Variants in BMPR2 observed in about 807,000 individuals in gnomAD.
BMPR2 encodes the protein bone morphogenetic protein receptor type-2.
In BMPR2, 29 loss-of-function variants were observed where a neutral mutation model predicts 100.8. The observed-to-expected ratio is 0.29, with a 90% CI of 0.21 to 0.39. The LOEUF is 0.39. Ranked by LOEUF, BMPR2 falls within the 10% of genes least tolerant of loss-of-function variation. The pLI is 1.00. For synonymous variants in BMPR2, 382 were observed against 442.3 expected (o/e 0.86, Z 1.71); for missense variants, 1,011 against 1,274.5 (o/e 0.79, Z 3.15).
chr2:202,482,018 C>T (rs1224762372), intron 3 of BMPR2, among the ~76,000 whole-genome samples: 1 of 152,134 alleles, frequency 6.6e-6, no homozygotes, highest in East Asian at 1.9e-4. Context: ...CAGCCACCCT[C>T]TACTTTCTGT....
At chr2:202,550,278 C>T (rs943459780) in intron 10 of BMPR2, among the ~76,000 whole-genome samples, 4 of 148,964 alleles carry the variant, frequency 2.7e-5, no homozygotes, top group South Asian at 2.1e-4. Context: ...GAGGCTGAGG[C>T]GGGAGAATGG....
chr2:202,402,837 T>A (rs1690793443), intron 1 of BMPR2, among the ~76,000 whole-genome samples: 11 of 151,664 alleles, frequency 7.3e-5, no homozygotes, highest in Non-Finnish European at 1.5e-5. Context: ...CTAATTTTTT[T>A]TTTTTTTTGA....
At chr2:202,507,204 AAG>A (rs1392704140) in intron 3 of BMPR2, among the ~76,000 whole-genome samples, 1 of 152,020 alleles carries the variant, frequency 6.6e-6, no homozygotes, top group Non-Finnish European at 1.5e-5. Context: ...TCACTCTTGG[AAG>A]AGTCTTTTCA....
At position 202,419,630 on chromosome 2, in the gene BMPR2, C is replaced by T. The variant is rs186474954; in HGVS notation, c.76+42080C>T. ...TCGGCCTCACAAAGTGCTGGGATTA[C>T]AGGCATGAGCCACTGCACCTGGTGT... On this transcript the variant is annotated intron_variant, in intron 1 of 12. Coordinates refer to ENST00000374580, the MANE Select transcript of BMPR2 (RefSeq NM_001204.7). Among the ~76,000 whole-genome samples, 587 of 152,232 alleles carry T rather than the reference C, an allele frequency of 3.9e-3. 6 individuals are homozygous for T. Among genetic ancestry groups the T allele is most frequent in the African/African-American group, 0.013 (559 of 41,518 alleles).
At chr2:202,409,698 T>G (rs1034341583) in intron 1 of BMPR2, among the ~76,000 whole-genome samples, 1 of 152,152 alleles carries the variant, frequency 6.6e-6, no homozygotes, top group Admixed American at 6.5e-5. Flanking sequence ...AAATGGATAA[T>G]ACACTGAAGG....
In BMPR2 at chr2:202,424,948, ATTG is replaced by A. The variant is rs1277438475; in HGVS notation, c.77-39860_77-39858del. Among the ~76,000 whole-genome samples, 387 of 152,170 alleles carry A rather than the reference ATTG, an allele frequency of 2.5e-3. 1 individual carries two copies. The highest frequency in any genetic ancestry group is 9.0e-3 in the African/African-American group (373 of 41,534). On this transcript the variant is annotated intron_variant, in intron 1 of 12. Transcript: ENST00000374580. ...CTTCAAGACAAATTTTAAGAGATTA[ATTG>A]AGCAAACATTTTTTTTTTTTCCCCA...
At chr2:202,475,260 C>G (rs1484813088) in intron 3 of BMPR2, 1 of 152,110 alleles carries the variant, frequency 6.6e-6, no homozygotes, top group Non-Finnish European at 1.5e-5. Flanking sequence ...TCTCGAACTC[C>G]TGACCTCAGG....
In BMPR2 at chr2:202,530,093, A is replaced by C. The variant is rs188565271; in HGVS notation, c.968-701A>C. On this transcript the variant is annotated intron_variant, in intron 7 of 12. Transcript: ENST00000374580. ...TGTCTACTCTGTGCCAAGCCTTTTA[A>C]AGTCAGGTGAAAGATGTTCTCTTTC... Among the ~76,000 whole-genome samples, 12 of 152,260 alleles carry C rather than the reference A, an allele frequency of 7.9e-5. No individual in the cohort carries two copies. The East Asian group carries it at 2.1e-3, about 27-fold the overall frequency.
At chr2:202,425,492 T>C (rs1672152925) in intron 1 of BMPR2, among the ~76,000 whole-genome samples, 3 of 152,186 alleles carry the variant, frequency 2.0e-5, no homozygotes, top group African/African-American at 4.8e-5. Context: ...TGTTTACACA[T>C]TGAGTTGGGT....
chr2:202,494,354 C>T (rs1440126404), intron 3 of BMPR2, among the ~76,000 whole-genome samples: 2 of 152,160 alleles, frequency 1.3e-5, no homozygotes, highest in Non-Finnish European at 2.9e-5. Context: ...TTTAAGCTTC[C>T]CTTTGCTGCT....
At chr2:202,403,953 C>T (rs972761922) in intron 1 of BMPR2, among the ~76,000 whole-genome samples, 1 of 147,822 alleles carries the variant, frequency 6.8e-6, no homozygotes, top group African/African-American at 2.5e-5. Context: ...TGTGGTGAGC[C>T]GAGATTGTGC....
intron 1 of BMPR2, among the ~76,000 whole-genome samples, chr2:202,454,624 G>A (rs952719726): frequency 6.6e-6 from 1 of 152,144 alleles, no homozygotes; most frequent in Non-Finnish European, 1.5e-5. Flanking sequence ...TCTGTGAGGA[G>A]GAAGTCTTTA....
At chr2:202,550,947 C>CA (rs1688465321) in intron 10 of BMPR2, among the ~76,000 whole-genome samples, 1 of 68,310 alleles carries the variant, frequency 1.5e-5, no homozygotes, top group African/African-American at 6.6e-5. Context: ...AGCATATCAG[C>CA]TTTTTTTTTT....
intron 10 of BMPR2, among the ~76,000 whole-genome samples, chr2:202,549,007 T>G (rs1688424243): frequency 2.0e-5 from 3 of 152,178 alleles, no homozygotes; most frequent in Admixed American, 1.3e-4. Flanking sequence ...CCAGAAGATT[T>G]CTTGTGCCCT....
intron 1 of BMPR2, among the ~76,000 whole-genome samples, chr2:202,382,068 T>G (rs920942453): frequency 1.2e-4 from 18 of 149,148 alleles, no homozygotes; most frequent in Admixed American, 5.3e-4. Flanking sequence ...GTTTTTTTTT[T>G]TTTTTTTTTG....
chr2:202,410,665 C>T (rs1411429600), intron 1 of BMPR2, among the ~76,000 whole-genome samples: 2 of 152,136 alleles, frequency 1.3e-5, no homozygotes, highest in Non-Finnish European at 2.9e-5. Flanking sequence ...CTGCAAGTTC[C>T]ACCTCCCGGG....
intron 7 of BMPR2, among the ~76,000 whole-genome samples, chr2:202,524,218 C>T (rs1687867602): frequency 6.6e-6 from 1 of 151,848 alleles, no homozygotes. Context: ...AAAAATTAGT[C>T]GGGTGTGGTG....
At chr2:202,473,558 A>G (rs1260906777) in intron 3 of BMPR2, among the ~76,000 whole-genome samples, 1 of 152,202 alleles carries the variant, frequency 6.6e-6, no homozygotes, top group East Asian at 1.9e-4. Context: ...TGAGAGGCCA[A>G]GGCGGGCGGC....
intron 3 of BMPR2, among the ~76,000 whole-genome samples, chr2:202,502,683 G>A (rs1230938715): frequency 2.6e-5 from 4 of 152,150 alleles, no homozygotes; most frequent in Middle Eastern, 3.4e-3. Context: ...CTCCAAAACC[G>A]CCGAGGCCTA....
Sources: gnomAD v4.1 joint callset for allele counts (sites outside exome capture counted in the v4.1 genomes callset) on GRCh38, gnomAD v4.1.1 for gene constraint, MANE v1.5 for transcripts, NCBI Gene and HGNC (gene_info 2026-07-23, HGNC 2026-07-21) for gene names.